PPFIA2: variants seen among roughly 807,000 people sequenced by gnomAD.
PPFIA2 encodes liprin-alpha-2.
In PPFIA2, 46 loss-of-function variants were observed where a neutral mutation model predicts 175.5. The observed-to-expected ratio is 0.26, with a 90% CI of 0.21 to 0.34. The LOEUF (loss-of-function observed/expected upper bound fraction) is 0.34. PPFIA2 is among the 10% of genes least tolerant of loss of function. The pLI is 1.00. For missense variants in PPFIA2, 1,179 were observed against 1,506.1 expected (o/e 0.78, Z 3.60); for synonymous variants, 568 against 511.4 (o/e 1.11, Z -1.49).
intron 7 of PPFIA2, among the ~76,000 whole-genome samples, chr12:81,432,588 C>T (rs900951409): frequency 1.3e-5 from 2 of 151,744 alleles, no homozygotes; most frequent in African/African-American, 4.8e-5. Flanking sequence ...GCCTCAGCCT[C>T]CTGAGTAGCT....
intron 4 of PPFIA2, among the ~76,000 whole-genome samples, chr12:81,601,635 C>T (rs545738927): frequency 1.3e-5 from 2 of 151,760 alleles, no homozygotes; most frequent in South Asian, 4.2e-4. Flanking sequence ...TTCAGTCAGG[C>T]CCAAGAAGTC....
At chr12:81,550,261 G>C (rs148111652) in intron 4 of PPFIA2, among the ~76,000 whole-genome samples, 3 of 151,906 alleles carry the variant, frequency 2.0e-5, no homozygotes, top group Non-Finnish European at 4.4e-5. Context: ...GGGGATTAGA[G>C]GTCTAGGGGC....
At chr12:81,517,559 C>G (rs553970207) in intron 4 of PPFIA2, among the ~76,000 whole-genome samples, 1 of 152,170 alleles carries the variant, frequency 6.6e-6, no homozygotes, top group Non-Finnish European at 1.5e-5. Context: ...AGAACAGGAG[C>G]GACTGAAATA....
intron 3 of PPFIA2, among the ~76,000 whole-genome samples, chr12:81,683,169 C>T (rs1261188718): frequency 1.3e-5 from 2 of 151,974 alleles, no homozygotes; most frequent in Non-Finnish European, 2.9e-5. Context: ...CCAGTGATTG[C>T]CATCTTATTA....
Position 81,619,309 on chromosome 12 carries a change from C to A in PPFIA2, c.303+57482G>T, listed in dbSNP as rs544096905. ...TCTATAAAGTGTGGTTAATCATACA[C>A]GTTAGATATGTAACTTTTCAATTCA... is the stretch of plus-strand genomic sequence containing the variant. On this transcript the variant is annotated intron_variant, in intron 4 of 32. Coordinates refer to ENST00000549396, the MANE Select transcript of PPFIA2 (RefSeq NM_003625.5). 2.0e-5 allele frequency among the ~76,000 whole-genome samples: 3 copies of A among 152,276 alleles called. No homozygotes were observed. The South Asian group carries it at 6.2e-4, about 32-fold the overall frequency.
chr12:81,281,983 G>T (rs552237757), intron 26 of PPFIA2, among the ~76,000 whole-genome samples: 1 of 151,958 alleles, frequency 6.6e-6, no homozygotes, highest in Admixed American at 6.6e-5. Flanking sequence ...AAAGCAGGTC[G>T]TCAGCTTTCC....
At chr12:81,442,314 A>G (rs2050326639) in intron 6 of PPFIA2, among the ~76,000 whole-genome samples, 1 of 152,112 alleles carries the variant, frequency 6.6e-6, no homozygotes, top group South Asian at 2.1e-4. Context: ...GTGAATATCA[A>G]TAATGCAAAC....
intron 24 of PPFIA2, among the ~76,000 whole-genome samples, chr12:81,285,078 T>C (rs1298798571): frequency 1.3e-5 from 2 of 152,210 alleles, no homozygotes; most frequent in African/African-American, 4.8e-5. Flanking sequence ...TATTCTATTA[T>C]AAAGTCCCAT....
At chr12:81,743,978 T>C (rs2082692839) in intron 3 of PPFIA2, among the ~76,000 whole-genome samples, 1 of 152,196 alleles carries the variant, frequency 6.6e-6, no homozygotes, top group African/African-American at 2.4e-5. Flanking sequence ...ATCTAAAATG[T>C]TTGCCCTTCA....
intron 4 of PPFIA2, among the ~76,000 whole-genome samples, chr12:81,513,502 A>T (rs2062038653): frequency 6.6e-6 from 1 of 151,974 alleles, no homozygotes; most frequent in South Asian, 2.1e-4. Context: ...AACCAACCTA[A>T]GTTCCCATCA....
intron 4 of PPFIA2, among the ~76,000 whole-genome samples, chr12:81,644,118 T>G (rs904406666): frequency 6.6e-6 from 1 of 152,034 alleles, no homozygotes; most frequent in African/African-American, 2.4e-5. Flanking sequence ...CACAGAAAGA[T>G]TCTATAAAAA....
At chr12:81,616,384 T>G (rs2061426900) in intron 4 of PPFIA2, among the ~76,000 whole-genome samples, 1 of 152,194 alleles carries the variant, frequency 6.6e-6, no homozygotes, top group South Asian at 2.1e-4. Flanking sequence ...ACCAGTTTTA[T>G]ATTATTAGGC....
At chr12:81,706,529 T>C (rs2077166420) in intron 3 of PPFIA2, among the ~76,000 whole-genome samples, 2 of 152,338 alleles carry the variant, frequency 1.3e-5, no homozygotes, top group South Asian at 2.1e-4. Context: ...TTTGAATTCA[T>C]TGATTTCTAA....
At chr12:81,437,152 C>T (rs2049211062) in intron 7 of PPFIA2, among the ~76,000 whole-genome samples, 2 of 152,152 alleles carry the variant, frequency 1.3e-5, no homozygotes, top group Admixed American at 1.3e-4. Flanking sequence ...AATCTTTCCT[C>T]CACTTTTGTT....
At chr12:81,622,758 G>A (rs1567610083) in intron 4 of PPFIA2, among the ~76,000 whole-genome samples, 1 of 152,050 alleles carries the variant, frequency 6.6e-6, no homozygotes, top group Non-Finnish European at 1.5e-5. Context: ...AATGTGCCCT[G>A]GCTTTCATTT....
chr12:81,531,861 T>C (rs1331957111), intron 4 of PPFIA2, among the ~76,000 whole-genome samples: 2 of 151,700 alleles, frequency 1.3e-5, no homozygotes, highest in Non-Finnish European at 2.9e-5. Flanking sequence ...TAAGAAATAA[T>C]GAGGACAGTA....
intron 4 of PPFIA2, among the ~76,000 whole-genome samples, chr12:81,530,039 G>T (rs2064296229): frequency 1.3e-5 from 2 of 151,850 alleles, no homozygotes; most frequent in Non-Finnish European, 2.9e-5. Context: ...AGAAGAAAAA[G>T]AACTTTCAAA....
chr12:81,491,968 TC>T (rs1184035637), intron 4 of PPFIA2, among the ~76,000 whole-genome samples: 2 of 152,004 alleles, frequency 1.3e-5, no homozygotes, highest in African/African-American at 2.4e-5. Context: ...TGTTTCTAAA[TC>T]CTATATACTT....
intron 22 of PPFIA2, among the ~76,000 whole-genome samples, chr12:81,311,339 T>C (rs535410327): frequency 3.4e-4 from 51 of 152,098 alleles, no homozygotes; most frequent in Non-Finnish European, 6.2e-4. Context: ...ATGTAAAAGC[T>C]CTCCAGGGAA....
Sources: allele counts gnomAD v4.1 joint callset (sites outside exome capture counted in the v4.1 genomes callset), GRCh38; gene constraint gnomAD v4.1.1; transcripts MANE v1.5; gene names NCBI Gene and HGNC (gene_info 2026-07-23, HGNC 2026-07-21).